FMN1: variants seen among roughly 807,000 people sequenced by gnomAD.
The protein encoded by FMN1 is formin-1.
A neutral mutation model predicts 132.4 loss-of-function variants in FMN1; 110 were observed. That is an observed-to-expected ratio of 0.83 (90% CI 0.71 to 0.97). The LOEUF (loss-of-function observed/expected upper bound fraction) is 0.97, where lower values mean the gene tolerates loss of function less well. Among genes scored for constraint, FMN1 ranks in the 50% least tolerant of loss-of-function variants. The probability of loss-of-function intolerance (pLI) is 0.00; values close to 1 mark genes in which losing one functional copy is unlikely to be tolerated. For missense variants in FMN1, 1,792 were observed against 1,705.3 expected, an observed-to-expected ratio of 1.05 and a Z score of -0.90; for synonymous variants, 722 against 651.7, an observed-to-expected ratio of 1.11 and a Z score of -1.64.
In FMN1 at chr15:33,153,686, G is replaced by T. The variant is rs756447982; in HGVS notation, c.1229C>A (p.Ser410Ter). Reference protein sequence around the residue: ...AGETASISSVSASAEGAVNKV... With the variant: ...AGETASISSV ...GTTCACGGCCCCCTCGGCACTGGCCGACACACTAGAAATGGAGGCTGTTTC... is the reference window on the plus strand; with the variant it reads ...GTTCACGGCCCCCTCGGCACTGGCCTACACACTAGAAATGGAGGCTGTTTC... Residue 410 changes from serine (S) to a stop codon, truncating the protein, a stop_gained, in exon 4 of 21, where the codon TCG becomes TAG. Coordinates refer to ENST00000616417, the MANE Select transcript of FMN1 (RefSeq NM_001277313.2). LOFTEE classifies it high-confidence loss of function. 27 of 1,536,268 alleles carry T rather than the reference G, an allele frequency of 1.8e-5. No homozygotes were observed. Among genetic ancestry groups the T allele is most frequent in the Non-Finnish European group, 2.2e-5 (25 of 1,146,990 alleles).
At chr15:33,029,279 T>C (rs1246885832) in intron 6 of FMN1, among the ~76,000 whole-genome samples, 1 of 152,038 alleles carries the variant, frequency 6.6e-6, no homozygotes, top group Non-Finnish European at 1.5e-5. Flanking sequence ...AAAAATCACA[T>C]GGCTGTTCAG....
chr15:33,039,944 T>C (rs1017204395), intron 6 of FMN1, among the ~76,000 whole-genome samples: 1 of 152,186 alleles, frequency 6.6e-6, no homozygotes, highest in Non-Finnish European at 1.5e-5. Context: ...ATCCTTGGTA[T>C]TTCTAGAGGA....
intron 6 of FMN1, chr15:33,063,451 T>G (rs2037575085): frequency 6.6e-6 from 1 of 152,258 alleles, no homozygotes; most frequent in South Asian, 2.1e-4. Context: ...GGCTTGGGTG[T>G]GGTAAAAGCT....
chr15:33,164,060 G>T (rs1965002189), intron 3 of FMN1, among the ~76,000 whole-genome samples: 1 of 152,078 alleles, frequency 6.6e-6, no homozygotes, highest in South Asian at 2.1e-4. Flanking sequence ...AGAAGACATG[G>T]GCTCAAGGAC....
intron 7 of FMN1, among the ~76,000 whole-genome samples, chr15:33,002,499 G>A (rs536643440): frequency 1.3e-4 from 20 of 152,234 alleles, no homozygotes; most frequent in Middle Eastern, 6.8e-3. Flanking sequence ...ATTTTTTATT[G>A]TATTGATGCC....
At chr15:33,043,124 T>C (rs1396622204) in intron 6 of FMN1, among the ~76,000 whole-genome samples, 1 of 152,212 alleles carries the variant, frequency 6.6e-6, no homozygotes, top group Non-Finnish European at 1.5e-5. Context: ...TCTTCCCTGG[T>C]TAGCGCTATG....
rs35863528 is a variant in FMN1 at position 32,771,088 on chromosome 15, C to CTT, written c.*3220_*3221dup. 17 of 147,274 alleles carry CTT rather than the reference C, an allele frequency of 1.2e-4. No homozygotes were observed. Among genetic ancestry groups the CTT allele is most frequent in the East Asian group, 2.0e-4 (1 of 4,970 alleles). The allele number at this position is 147,274 out of a possible 1,614,324, so 9.1% of individuals were successfully genotyped here. On this transcript the variant is annotated 3_prime_UTR_variant, in exon 21 of 21. Coordinates refer to ENST00000616417, the MANE Select transcript of FMN1 (RefSeq NM_001277313.2). ...TTTTTGATACTTCATGGGCCTGATG[C>CTT]TTTTTTTTTTGAAACGGAGTCTCAC...
chr15:33,033,867 A>G (rs1596517610), intron 6 of FMN1, among the ~76,000 whole-genome samples: 1 of 152,086 alleles, frequency 6.6e-6, no homozygotes, highest in South Asian at 2.1e-4. Context: ...CATTTGCTCT[A>G]TCACGCGGCA....
chr15:33,085,604 A>G (rs1045544444), intron 5 of FMN1, among the ~76,000 whole-genome samples: 1 of 149,960 alleles, frequency 6.7e-6, no homozygotes, highest in Non-Finnish European at 1.5e-5. Context: ...ATATATAAAT[A>G]TATAAAGCCC....
chr15:33,035,633 C>T (rs911247414), intron 6 of FMN1, among the ~76,000 whole-genome samples: 2 of 152,146 alleles, frequency 1.3e-5, no homozygotes, highest in African/African-American at 4.8e-5. Flanking sequence ...GGCCTGCCTG[C>T]CCTAACCATC....
At chr15:32,856,729 T>C (rs1366008537) in intron 17 of FMN1, among the ~76,000 whole-genome samples, 1 of 152,208 alleles carries the variant, frequency 6.6e-6, no homozygotes, top group Non-Finnish European at 1.5e-5. Flanking sequence ...AGGAATTCCT[T>C]GAGCCCCATG....
chr15:32,992,808 A>G (rs545973605), intron 7 of FMN1, among the ~76,000 whole-genome samples: 8 of 152,212 alleles, frequency 5.3e-5, no homozygotes, highest in Non-Finnish European at 1.2e-4. Flanking sequence ...ATAACAATCA[A>G]TAGTGGGTCA....
intron 2 of FMN1, among the ~76,000 whole-genome samples, chr15:33,182,703 A>G (rs1965745804): frequency 3.3e-5 from 5 of 152,178 alleles, no homozygotes; most frequent in Admixed American, 3.3e-4. Flanking sequence ...CTTTCTGCCC[A>G]GGCGCCATCT....
intron 11 of FMN1, among the ~76,000 whole-genome samples, chr15:32,908,812 T>G (rs2060490792): frequency 6.6e-6 from 1 of 152,016 alleles, no homozygotes. Context: ...TGATGCATGC[T>G]CAAGTTTGAG....
chr15:32,985,058 T>C (rs924933025), intron 7 of FMN1, among the ~76,000 whole-genome samples: 2 of 151,582 alleles, frequency 1.3e-5, no homozygotes, highest in Admixed American at 6.6e-5. Context: ...TCCCCCATTG[T>C]ATTCATTAAC....
chr15:32,839,113 A>G (rs1045111624), intron 17 of FMN1, among the ~76,000 whole-genome samples: 2 of 152,138 alleles, frequency 1.3e-5, no homozygotes, highest in African/African-American at 4.8e-5. Context: ...AAGAACTCTC[A>G]TGAGAAAGTG....
At chr15:32,794,094 A>G (rs1393829834) in intron 19 of FMN1, among the ~76,000 whole-genome samples, 2 of 152,176 alleles carry the variant, frequency 1.3e-5, no homozygotes, top group African/African-American at 4.8e-5. Context: ...TAAAGGGTAC[A>G]GCAGTTCCAT....
chr15:32,803,674 T>C (rs2141002107), intron 18 of FMN1, among the ~76,000 whole-genome samples: 1 of 152,252 alleles, frequency 6.6e-6, no homozygotes, highest in African/African-American at 2.4e-5. Context: ...CTCTAGAAGC[T>C]GAGGAAAGAC....
intron 9 of FMN1, among the ~76,000 whole-genome samples, chr15:32,961,092 T>C (rs2030478893): frequency 6.6e-6 from 1 of 151,344 alleles, no homozygotes; most frequent in South Asian, 2.1e-4. Flanking sequence ...AGATGTGAAT[T>C]TCACAACATA....
Sources: gnomAD v4.1 joint callset for allele counts (sites outside exome capture counted in the v4.1 genomes callset) on GRCh38, gnomAD v4.1.1 for gene constraint, MANE v1.5 for transcripts, NCBI Gene and HGNC (gene_info 2026-07-23, HGNC 2026-07-21) for gene names.